Variants in ROBO2 observed in about 807,000 individuals in gnomAD.
ROBO2 encodes the protein roundabout guidance receptor 2.
ROBO2 carries 53 observed loss-of-function variants against 160.8 expected under a neutral mutation model. That is an observed-to-expected ratio of 0.33 (90% CI 0.26 to 0.41). The LOEUF (loss-of-function observed/expected upper bound fraction) is 0.41. Ranked by LOEUF, ROBO2 falls within the 10% of genes least tolerant of loss-of-function variation. The pLI is 1.00. For synonymous variants in ROBO2, 664 were observed against 611.7 expected (o/e 1.09, Z -1.26); for missense variants, 1,577 against 1,722.4 (o/e 0.92, Z 1.49).
chr3:77,333,019 T>G (rs1032398771), intron 2 of ROBO2, among the ~76,000 whole-genome samples: 1 of 152,218 alleles, frequency 6.6e-6, no homozygotes, highest in South Asian at 2.1e-4. Flanking sequence ...TGGTATTAAG[T>G]GAAATCTACT....
intron 2 of ROBO2, among the ~76,000 whole-genome samples, chr3:76,107,137 G>T (rs1471997043): frequency 1.3e-5 from 2 of 152,086 alleles, no homozygotes; most frequent in Non-Finnish European, 2.9e-5. Context: ...ATGAGAAGAT[G>T]TTATCTCCAG....
intron 2 of ROBO2, among the ~76,000 whole-genome samples, chr3:77,025,337 A>G (rs1409550661): frequency 6.6e-6 from 1 of 152,112 alleles, no homozygotes; most frequent in African/African-American, 2.4e-5. Flanking sequence ...CCATTTTGAG[A>G]CTAGAAAACA....
At chr3:76,555,009 CAAAA>C (rs920996117) in intron 2 of ROBO2, among the ~76,000 whole-genome samples, 1 of 137,152 alleles carries the variant, frequency 7.3e-6, no homozygotes, top group Admixed American at 7.3e-5. Flanking sequence ...TTGTCACCAG[CAAAA>C]AAAAAAGAAC....
chr3:77,600,256 T>C (rs2153691295), intron 19 of ROBO2, among the ~76,000 whole-genome samples: 1 of 152,344 alleles, frequency 6.6e-6, no homozygotes, highest in South Asian at 2.1e-4. Context: ...CAAATATTCA[T>C]GTGCAATATT....
intron 2 of ROBO2, among the ~76,000 whole-genome samples, chr3:76,351,560 T>C (rs954105921): frequency 4.6e-5 from 7 of 151,978 alleles, no homozygotes; most frequent in African/African-American, 7.2e-5. Context: ...TCTGATAGAA[T>C]TTTCCCCATT....
chr3:77,312,463 A>C (rs2063630369), intron 2 of ROBO2, among the ~76,000 whole-genome samples: 1 of 152,238 alleles, frequency 6.6e-6, no homozygotes. Context: ...CTAACCAAGG[A>C]CACAAGAGCA....
intron 2 of ROBO2, among the ~76,000 whole-genome samples, chr3:75,987,861 C>T (rs2065456276): frequency 6.6e-6 from 1 of 151,984 alleles, no homozygotes; most frequent in African/African-American, 2.4e-5. Context: ...GTGTGTTGGA[C>T]CATGCTTAGA....
intron 1 of ROBO2, among the ~76,000 whole-genome samples, chr3:75,915,790 A>G (rs965207475): frequency 1.3e-5 from 2 of 152,054 alleles, no homozygotes; most frequent in African/African-American, 2.4e-5. Flanking sequence ...ACTGAAAGGC[A>G]CCTTTTGCTA....
chr3:77,362,327 G>C lies in ROBO2; in HGVS notation c.389-115087G>C, dbSNP rs6805209. On this transcript the variant is annotated intron_variant, in intron 2 of 25. Transcript: ENST00000461745. The stretch of plus-strand genomic sequence containing the variant: ...GGAATTTATAGCCAAGAAGTAGAGT[G>C]GGGGTCAGTGGATGGAAAATTGCTA... Among the ~76,000 whole-genome samples the C allele has an allele frequency of 2.2e-3, 340 of 152,228 alleles. 1 individual carries two copies. Among genetic ancestry groups the C allele is most frequent in the African/African-American group, 7.7e-3 (322 of 41,552 alleles).
intron 2 of ROBO2, among the ~76,000 whole-genome samples, chr3:76,053,695 A>G (rs1366864396): frequency 6.6e-6 from 1 of 152,102 alleles, no homozygotes; most frequent in Admixed American, 6.6e-5. Flanking sequence ...GATTTACCAT[A>G]CATTAAGATA....
chr3:77,107,277 C>T (rs966240837), intron 2 of ROBO2, among the ~76,000 whole-genome samples: 4 of 152,258 alleles, frequency 2.6e-5, no homozygotes, highest in Non-Finnish European at 4.4e-5. Context: ...GGGATATAAA[C>T]GTTCTGACCA....
intron 2 of ROBO2, among the ~76,000 whole-genome samples, chr3:76,721,375 T>G (rs1006190465): frequency 3.3e-5 from 5 of 152,336 alleles, no homozygotes; most frequent in African/African-American, 1.2e-4. Context: ...ATATTTCTGA[T>G]GAGTCTTTTG....
intron 2 of ROBO2, among the ~76,000 whole-genome samples, chr3:76,782,921 G>A (rs1208180568): frequency 1.3e-5 from 2 of 150,146 alleles, no homozygotes; most frequent in Non-Finnish European, 1.5e-5. Flanking sequence ...TAGTTTTGGG[G>A]TTTTTCTTTT....
intron 22 of ROBO2, among the ~76,000 whole-genome samples, chr3:77,619,933 A>C (rs1488674732): frequency 6.6e-6 from 1 of 152,334 alleles, no homozygotes; most frequent in African/African-American, 2.4e-5. Context: ...GCTGTATATT[A>C]GCTGTTATTA....
At chr3:76,893,201 G>C (rs1158509642) in intron 2 of ROBO2, among the ~76,000 whole-genome samples, 2 of 151,204 alleles carry the variant, frequency 1.3e-5, no homozygotes, top group South Asian at 2.1e-4. Context: ...CTTTGGGCCA[G>C]ACACACACAC....
rs2082056527 is a variant in ROBO2 at position 76,528,435 on chromosome 3, C to A, written c.110-569579C>A. Among the ~76,000 whole-genome samples the A allele has an allele frequency of 2.0e-5, 3 of 152,096 alleles. 1 individual carries two copies. Among genetic ancestry groups the A allele is most frequent in the Middle Eastern group, 3.4e-3 (1 of 292 alleles). ...GAATATTTTGAATATATATAATAGA[C>A]CCTCCTGACGATTAAATGTGATGTC... On this transcript the variant is annotated intron_variant, in intron 2 of 26. Transcript: ENST00000487694.
At chr3:77,367,921 T>A (rs1203924105) in intron 2 of ROBO2, among the ~76,000 whole-genome samples, 1 of 151,090 alleles carries the variant, frequency 6.6e-6, no homozygotes, top group East Asian at 1.9e-4. Context: ...TTTTCGGATG[T>A]GAGTTTCGTT....
At chr3:77,297,015 G>A (rs1017432750) in intron 2 of ROBO2, among the ~76,000 whole-genome samples, 1 of 151,158 alleles carries the variant, frequency 6.6e-6, no homozygotes, top group African/African-American at 2.4e-5. Context: ...TTGAAATTAA[G>A]TTGTTCATGG....
chr3:77,401,394 C>A (rs73842871), intron 2 of ROBO2, among the ~76,000 whole-genome samples: 1 of 152,116 alleles, frequency 6.6e-6, no homozygotes, highest in South Asian at 2.1e-4. Context: ...TTTTTCAAGG[C>A]AGGGACAGTG....
Sources: allele counts gnomAD v4.1 joint callset (sites outside exome capture counted in the v4.1 genomes callset), GRCh38; gene constraint gnomAD v4.1.1; transcripts MANE v1.5; gene names NCBI Gene and HGNC (gene_info 2026-07-23, HGNC 2026-07-21).